SERPINB7: variants seen among roughly 807,000 people sequenced by gnomAD.
SERPINB7 encodes the protein serpin B7.
In SERPINB7, 31 loss-of-function variants were observed where a neutral mutation model predicts 37.4. The ratio of observed to expected loss-of-function variants is 0.83; its 90% confidence interval spans 0.62 to 1.12. The LOEUF is 1.12. Ranked by LOEUF, SERPINB7 falls within the 50% of genes most tolerant of loss-of-function variation. SERPINB7 has a pLI of 0.00. For synonymous variants in SERPINB7, 163 were observed against 166.1 expected (o/e 0.98, Z 0.14); for missense variants, 521 against 455.3 (o/e 1.14, Z -1.31).
At chr18:63,753,787 A>T (rs1040089045) in intron 1 of SERPINB7, among the ~76,000 whole-genome samples, 11 of 152,188 alleles carry the variant, frequency 7.2e-5, no homozygotes, top group Non-Finnish European at 1.2e-4. Flanking sequence ...TTTCAAAAAA[A>T]TTTTTTAGTA....
upstream of SERPINB7, chr18:63,775,247 T>C (rs2144599093): frequency 6.6e-6 from 1 of 152,306 alleles, no homozygotes; most frequent in Non-Finnish European, 1.5e-5. Flanking sequence ...GAGATGGGAA[T>C]ATTGCCTCCT....
intron 1 of SERPINB7, among the ~76,000 whole-genome samples, chr18:63,759,153 T>G (rs1053386500): frequency 6.6e-5 from 10 of 152,180 alleles, no homozygotes; most frequent in Admixed American, 6.5e-4. Flanking sequence ...TCCTATCCTA[T>G]CTTATATTTT....
chr18:63,798,384 G>C (rs1307944164), intron 5 of SERPINB7, among the ~76,000 whole-genome samples: 2 of 152,036 alleles, frequency 1.3e-5, no homozygotes, highest in Non-Finnish European at 2.9e-5. Flanking sequence ...AACAATAATA[G>C]TGCCTACCTC....
chr18:63,788,795 T>G (rs911079036), intron 2 of SERPINB7, among the ~76,000 whole-genome samples: 1 of 152,244 alleles, frequency 6.6e-6, no homozygotes, highest in East Asian at 1.9e-4. Context: ...ATATTTACCA[T>G]TGTGTTACAA....
rs550850688 is a variant in SERPINB7, at chr18:63,766,718, T to C, written c.-19+13598T>C. On this transcript the variant is annotated intron_variant, in intron 1 of 7. Transcript: ENST00000336429. Reference sequence around the variant, plus strand: ...TATGATCTCCCAACTTAAAAAGATATATCTATATGCTGATTGCTACCTTCC... The same window carrying C: ...TATGATCTCCCAACTTAAAAAGATACATCTATATGCTGATTGCTACCTTCC... Among the ~76,000 whole-genome samples the C allele has an allele frequency of 8.5e-5, 13 of 152,242 alleles. No individual in the cohort carries two copies. In the South Asian group the frequency reaches 1.0e-3, roughly 12 times the overall value.
chr18:63,781,873 T>C (rs1195498450), intron 1 of SERPINB7, among the ~76,000 whole-genome samples: 2 of 152,172 alleles, frequency 1.3e-5, no homozygotes, highest in African/African-American at 4.8e-5. Flanking sequence ...AAATAGAATG[T>C]ATGATTGTTC....
rs773610080 is a variant in SERPINB7 at position 63,798,701 on chromosome 18, C to T, written c.552C>T (p.Ala184=). The change falls in exon 6 of 8, where the codon GCC becomes GCT. Residue 184 remains alanine (A), a synonymous_variant. Transcript: ENST00000398019. The stretch of plus-strand genomic sequence containing the variant: ...ACTTCAAAGGCAAGTGGCAATCAGC[C>T]TTCACCAAGAGCGAAACCATAAATT... ...AVYFKGKWQS[A]FTKSETINCH... The T allele has an allele frequency of 6.2e-7, 1 of 1,613,182 alleles. No homozygotes were observed. The highest frequency in any genetic ancestry group is 1.1e-5 in the South Asian group (1 of 90,860).
At chr18:63,803,299 A>G (rs1599024769) in intron 7 of SERPINB7, among the ~76,000 whole-genome samples, 1 of 152,312 alleles carries the variant, frequency 6.6e-6, no homozygotes, top group East Asian at 1.9e-4. Context: ...ACAAAACTGG[A>G]TAACTAAAAC....
chr18:63,771,428 T>G (rs1196288783), upstream of SERPINB7, among the ~76,000 whole-genome samples: 4 of 152,122 alleles, frequency 2.6e-5, no homozygotes, highest in Non-Finnish European at 5.9e-5. Flanking sequence ...TTATAATGAT[T>G]GATAGAATTG....
upstream of SERPINB7, among the ~76,000 whole-genome samples, chr18:63,774,046 T>A (rs1431563445): frequency 6.6e-6 from 1 of 152,116 alleles, no homozygotes. Context: ...CTATGAACAC[T>A]GCAATTAGAA....
chr18:63,788,021 A>T (rs1337359712), intron 2 of SERPINB7, among the ~76,000 whole-genome samples: 1 of 152,252 alleles, frequency 6.6e-6, no homozygotes, highest in Non-Finnish European at 1.5e-5. Flanking sequence ...AGCCCAACAC[A>T]TACAATGATG....
At chr18:63,753,664 C>T (rs2049104630) in intron 1 of SERPINB7, among the ~76,000 whole-genome samples, 1 of 152,208 alleles carries the variant, frequency 6.6e-6, no homozygotes, top group African/African-American at 2.4e-5. Flanking sequence ...AGGTCGATCA[C>T]AATACAACCA....
intron 2 of SERPINB7, among the ~76,000 whole-genome samples, chr18:63,789,242 G>T (rs1477034541): frequency 3.3e-5 from 5 of 152,092 alleles, no homozygotes; most frequent in Non-Finnish European, 7.4e-5. Context: ...AGGAAAGAAG[G>T]ATACAAAGGG....
intron 1 of SERPINB7, among the ~76,000 whole-genome samples, chr18:63,762,547 T>C (rs1292031127): frequency 6.6e-6 from 1 of 152,182 alleles, no homozygotes; most frequent in African/African-American, 2.4e-5. Flanking sequence ...ATTATATGTA[T>C]TGAGGATTCT....
intron 1 of SERPINB7, among the ~76,000 whole-genome samples, chr18:63,759,266 G>A (rs1340965280): frequency 6.6e-6 from 1 of 151,592 alleles, no homozygotes; most frequent in Non-Finnish European, 1.5e-5. Flanking sequence ...AAAGTGAGTA[G>A]GCAAGGGTCA....
At chr18:63,767,234 C>T (rs561475121) in intron 1 of SERPINB7, among the ~76,000 whole-genome samples, 27 of 152,246 alleles carry the variant, frequency 1.8e-4, no homozygotes, top group African/African-American at 6.5e-4. Flanking sequence ...TTCTGCTACT[C>T]AAGCCAGCAC....
chr18:63,799,696 C>G (rs762809680), intron 6 of SERPINB7, among the ~76,000 whole-genome samples: 2 of 152,152 alleles, frequency 1.3e-5, no homozygotes, highest in Admixed American at 6.5e-5. Flanking sequence ...GTATCAGGCT[C>G]AATTCTGGGG....
chr18:63,798,794 T>C, intron 6 of SERPINB7, 48 bp downstream of exon 6: 1 of 1,582,558 alleles, frequency 6.3e-7, no homozygotes, highest in Non-Finnish European at 8.6e-7. Flanking sequence ...CACAATCGTA[T>C]TCCTTTGCAG....
chr18:63,774,088 A>ATT (rs113847723), upstream of SERPINB7, among the ~76,000 whole-genome samples: 430 of 149,596 alleles, frequency 2.9e-3, 5 homozygotes, highest in African/African-American at 0.01. Context: ...TTGTAGGCTC[A>ATT]TTTTTTTTTT....
Sources: gnomAD v4.1 joint callset for allele counts (sites outside exome capture counted in the v4.1 genomes callset) on GRCh38, gnomAD v4.1.1 for gene constraint, MANE v1.5 for transcripts, NCBI Gene and HGNC (gene_info 2026-07-23, HGNC 2026-07-21) for gene names.